Variants in CYRIB observed in about 807,000 individuals in gnomAD.
CYRIB encodes the protein CYFIP-related Rac1 interactor B.
A neutral mutation model predicts 44.2 loss-of-function variants in CYRIB; 8 were observed. The observed-to-expected ratio is 0.18, with a 90% CI of 0.11 to 0.33. CYRIB has a LOEUF of 0.33. Among genes scored for constraint, CYRIB ranks in the 10% least tolerant of loss-of-function variants. CYRIB has a pLI of 1.00. For synonymous variants in CYRIB, 131 were observed against 127.2 expected (o/e 1.03, Z -0.20); for missense variants, 185 against 382.8 (o/e 0.48, Z 4.31).
At chr8:129,943,166 G>A (rs1321968997), upstream of CYRIB, among the ~76,000 whole-genome samples, 2 of 137,886 alleles carry the variant, frequency 1.5e-5, no homozygotes, top group Non-Finnish European at 3.0e-5. Flanking sequence ...TCCCTGCTCC[G>A]GAGGGGCTGA....
chr8:130,000,636 G>A (rs977182490), intron 1 of CYRIB, among the ~76,000 whole-genome samples: 1 of 152,156 alleles, frequency 6.6e-6, no homozygotes, highest in Non-Finnish European at 1.5e-5. Flanking sequence ...AGGTTGCAGT[G>A]AGCCAAGACT....
intron 2 of CYRIB, among the ~76,000 whole-genome samples, chr8:129,882,813 AC>A (rs2061281473): frequency 6.6e-6 from 1 of 152,116 alleles, no homozygotes; most frequent in Non-Finnish European, 1.5e-5. Context: ...GAGTATGACC[AC>A]TACCATCAGA....
At chr8:130,014,141 C>T (rs2097289113) in intron 1 of CYRIB, among the ~76,000 whole-genome samples, 1 of 152,140 alleles carries the variant, frequency 6.6e-6, no homozygotes, top group Non-Finnish European at 1.5e-5. Context: ...ACAGTTCAGT[C>T]ATTAAAAATG....
intron 1 of CYRIB, among the ~76,000 whole-genome samples, chr8:129,930,946 A>G (rs2091048744): frequency 6.6e-6 from 1 of 152,164 alleles, no homozygotes; most frequent in Non-Finnish European, 1.5e-5. Context: ...CATACTTTTG[A>G]AAAAAACTCG....
chr8:129,866,253 C>T (rs542686439), intron 4 of CYRIB, among the ~76,000 whole-genome samples: 21 of 152,294 alleles, frequency 1.4e-4, no homozygotes, highest in African/African-American at 5.1e-4. Context: ...GTTTTTATCA[C>T]GTTTTTCCAT....
intron 2 of CYRIB, among the ~76,000 whole-genome samples, chr8:129,968,462 C>G (rs750420799): frequency 1.3e-5 from 2 of 151,776 alleles, no homozygotes; most frequent in African/African-American, 4.8e-5. Flanking sequence ...TTAAATATAC[C>G]ATTTTTATAG....
intron 1 of CYRIB, among the ~76,000 whole-genome samples, chr8:129,995,114 AC>A (rs999781940): frequency 1.3e-5 from 2 of 152,182 alleles, no homozygotes; most frequent in African/African-American, 2.4e-5. Context: ...AATGTTGAGC[AC>A]CCCAAAATAT....
At chr8:129,854,371 T>C in intron 6 of CYRIB, 28 bp from the exon 9 acceptor site, 1 of 1,509,556 alleles carries the variant, frequency 6.6e-7, no homozygotes, top group Non-Finnish European at 9.1e-7. Flanking sequence ...GGAAAAAAAA[T>C]GTTATGTACT....
intron 1 of CYRIB, among the ~76,000 whole-genome samples, chr8:130,006,572 C>G (rs1171664253): frequency 2.2e-5 from 1 of 45,552 alleles, no homozygotes; most frequent in African/African-American, 6.7e-5. Flanking sequence ...TGGTAAAACC[C>G]CGTCTCTACT....
At chr8:129,937,800 T>C (rs571215768) in intron 1 of CYRIB, among the ~76,000 whole-genome samples, 38 of 152,194 alleles carry the variant, frequency 2.5e-4, no homozygotes, top group Non-Finnish European at 4.7e-4. Context: ...AAGAGTTCCC[T>C]GACAAACAGC....
chr8:129,888,973 A>T (rs1340335867), intron 2 of CYRIB, among the ~76,000 whole-genome samples: 2 of 152,096 alleles, frequency 1.3e-5, no homozygotes, highest in Admixed American at 6.6e-5. Flanking sequence ...GGCGCCTGTA[A>T]TCACAGCTAC....
At chr8:129,849,736 AT>A (rs2042258966) in intron 9 of CYRIB, 1 of 166,950 alleles carries the variant, frequency 6.0e-6, no homozygotes, top group Non-Finnish European at 1.3e-5. Flanking sequence ...TCTGGTTTCT[AT>A]AATATCTGCA....
chr8:129,998,119 CAA>C (rs34658935), intron 1 of CYRIB, among the ~76,000 whole-genome samples: 7,918 of 93,234 alleles, frequency 0.085, 723 homozygotes, highest in African/African-American at 0.28. Flanking sequence ...GACTCTGTCT[CAA>C]AAAAAAAAAA....
chr8:129,917,606 C>T (rs1237751317), intron 1 of CYRIB, among the ~76,000 whole-genome samples: 4 of 152,196 alleles, frequency 2.6e-5, no homozygotes, highest in Non-Finnish European at 5.9e-5. Flanking sequence ...GGCCTGTAAT[C>T]CCAGCACTTT....
chr8:129,937,443 C>T (rs1424605603), intron 1 of CYRIB, among the ~76,000 whole-genome samples: 1 of 152,136 alleles, frequency 6.6e-6, no homozygotes, highest in Non-Finnish European at 1.5e-5. Flanking sequence ...TTGTTATTTA[C>T]TATGTAAAGA....
intron 1 of CYRIB, among the ~76,000 whole-genome samples, chr8:130,000,785 G>A (rs115194588): frequency 0.012 from 1,789 of 152,238 alleles, 36 homozygotes; most frequent in African/African-American, 0.041. Flanking sequence ...GGGAGGCCAA[G>A]GTGGGAGGAT....
chr8:130,011,352 C>G (rs1196543299), intron 1 of CYRIB, among the ~76,000 whole-genome samples: 1 of 151,948 alleles, frequency 6.6e-6, no homozygotes, highest in African/African-American at 2.4e-5. Context: ...GAAACCCTGT[C>G]TCTACTAAAA....
At chr8:129,980,777 G>A (rs1455059493) in intron 1 of CYRIB, among the ~76,000 whole-genome samples, 1 of 151,880 alleles carries the variant, frequency 6.6e-6, no homozygotes, top group African/African-American at 2.4e-5. Context: ...AGCTCAGGAG[G>A]TCAAGACGAG....
chr8:130,001,031 G>A (rs2133887069), intron 1 of CYRIB, among the ~76,000 whole-genome samples: 1 of 152,304 alleles, frequency 6.6e-6, no homozygotes, highest in South Asian at 2.1e-4. Flanking sequence ...AAATGGCTGA[G>A]GAGCATTGAA....
Sources: gnomAD v4.1 joint callset for allele counts (sites outside exome capture counted in the v4.1 genomes callset) on GRCh38, gnomAD v4.1.1 for gene constraint, MANE v1.5 for transcripts, NCBI Gene and HGNC (gene_info 2026-07-23, HGNC 2026-07-21) for gene names.